Variants in SNTG1 observed in about 807,000 individuals in gnomAD.
SNTG1 encodes the protein syntrophin gamma 1, also known as gamma-1-syntrophin.
SNTG1 carries 39 observed loss-of-function variants against 74.7 expected under a neutral mutation model. That is an observed-to-expected ratio of 0.52 (90% CI 0.40 to 0.68). The LOEUF (loss-of-function observed/expected upper bound fraction) is 0.68. Among genes scored for constraint, SNTG1 ranks in the 30% least tolerant of loss-of-function variants. SNTG1 has a pLI of 0.00. For synonymous variants in SNTG1, 254 were observed against 217.1 expected (o/e 1.17, Z -1.49); for missense variants, 685 against 609.5 (o/e 1.12, Z -1.30).
intron 8 of SNTG1, among the ~76,000 whole-genome samples, chr8:50,462,794 CTCTTTTTTTTTTT>C (rs1399962169): frequency 0.021 from 899 of 43,588 alleles, 122 homozygotes; most frequent in African/African-American, 0.048. Flanking sequence ...TCAGGTTCTA[CTCTTTTTTTTTTT>C]TTTTTTTTTT....
At chr8:50,204,547 AATTT>A (rs1184630144) in intron 2 of SNTG1, among the ~76,000 whole-genome samples, 2 of 152,120 alleles carry the variant, frequency 1.3e-5, no homozygotes, top group Non-Finnish European at 2.9e-5. Flanking sequence ...TTTGAAAATA[AATTT>A]ATTTAATCTT....
At chr8:50,204,414 G>A (rs914825788) in intron 2 of SNTG1, among the ~76,000 whole-genome samples, 7 of 151,982 alleles carry the variant, frequency 4.6e-5, no homozygotes, top group Admixed American at 2.6e-4. Context: ...CCTTGCCAAT[G>A]TGTCTGTACC....
intron 17 of SNTG1, among the ~76,000 whole-genome samples, chr8:50,723,794 A>G (rs569410513): frequency 3.2e-3 from 494 of 152,244 alleles, no homozygotes; most frequent in Middle Eastern, 6.8e-3. Context: ...TATGGAAAAA[A>G]AAAAGGAGAA....
At chr8:50,219,585 T>A (rs547371475) in intron 2 of SNTG1, among the ~76,000 whole-genome samples, 158 of 152,164 alleles carry the variant, frequency 1.0e-3, no homozygotes, top group Non-Finnish European at 1.8e-3. Flanking sequence ...CAAAGGGGAA[T>A]CAGACATGTG....
chr8:50,314,521 A>T lies in SNTG1; in HGVS notation c.-27-79691A>T, dbSNP rs148514902. On this transcript the variant is annotated intron_variant, in intron 2 of 18. Coordinates refer to ENST00000642720, the MANE Select transcript of SNTG1 (RefSeq NM_018967.5). Reference sequence around the variant, plus strand: ...TGACGGAGATGATTTTCAGTGAAAGACTTTGAGAGCCTTATTAGGCACACC... The same window carrying T: ...TGACGGAGATGATTTTCAGTGAAAGTCTTTGAGAGCCTTATTAGGCACACC... Among the ~76,000 whole-genome samples the T allele has an allele frequency of 4.0e-5, 6 of 149,848 alleles. No homozygotes were observed. The East Asian group carries it at 1.2e-3, about 30-fold the overall frequency.
intron 4 of SNTG1, among the ~76,000 whole-genome samples, chr8:50,425,816 C>A (rs2093156677): frequency 6.6e-6 from 1 of 152,078 alleles, no homozygotes; most frequent in African/African-American, 2.4e-5. Flanking sequence ...ACGTTTGAAT[C>A]AAGGAAAACA....
chr8:50,175,074 G>T (rs535150850), intron 2 of SNTG1, among the ~76,000 whole-genome samples: 1 of 152,044 alleles, frequency 6.6e-6, no homozygotes, highest in East Asian at 1.9e-4. Flanking sequence ...AGTATTCCAT[G>T]GTGTATATTT....
At chr8:50,518,080 A>G (rs1238890619) in intron 9 of SNTG1, among the ~76,000 whole-genome samples, 1 of 152,218 alleles carries the variant, frequency 6.6e-6, no homozygotes, top group Admixed American at 6.5e-5. Context: ...TGCAAATACA[A>G]GAGAATGAGA....
chr8:50,278,953 A>T (rs2088276862), intron 2 of SNTG1, among the ~76,000 whole-genome samples: 1 of 152,138 alleles, frequency 6.6e-6, no homozygotes, highest in African/African-American at 2.4e-5. Context: ...GATCATTTTG[A>T]TATTGTCATT....
chr8:49,945,164 A>G (rs1809061480), intron 1 of SNTG1, among the ~76,000 whole-genome samples: 1 of 152,164 alleles, frequency 6.6e-6, no homozygotes, highest in South Asian at 2.1e-4. Flanking sequence ...CCTACTTAAG[A>G]TACCTGGTCA....
chr8:49,932,279 A>C (rs1294676508), intron 1 of SNTG1, among the ~76,000 whole-genome samples: 1 of 152,160 alleles, frequency 6.6e-6, no homozygotes, highest in Non-Finnish European at 1.5e-5. Context: ...TAACATTTTA[A>C]AGAAAATTAA....
intron 17 of SNTG1, chr8:50,709,209 A>C: frequency 3.8e-6 from 2 of 529,678 alleles, no homozygotes; most frequent in Non-Finnish European, 6.7e-6. Flanking sequence ...ATTTATTTAT[A>C]AGTCTATCTA....
At chr8:50,690,431 G>GT (rs936041208) in intron 15 of SNTG1, among the ~76,000 whole-genome samples, 264 of 152,254 alleles carry the variant, frequency 1.7e-3, no homozygotes, top group African/African-American at 6.2e-3. Context: ...GTGTCCCAGA[G>GT]TTTCTGGTAT....
At chr8:50,673,882 A>G (rs1023940741) in intron 15 of SNTG1, among the ~76,000 whole-genome samples, 1 of 152,176 alleles carries the variant, frequency 6.6e-6, no homozygotes, top group Admixed American at 6.6e-5. Flanking sequence ...AGTTTTTAAC[A>G]TGAAGTGATG....
intron 13 of SNTG1, among the ~76,000 whole-genome samples, chr8:50,614,769 T>C (rs2131006650): frequency 6.6e-6 from 1 of 152,292 alleles, no homozygotes; most frequent in Admixed American, 6.5e-5. Flanking sequence ...TTGGATTTCT[T>C]ACATTCCATA....
chr8:50,484,644 G>T (rs77690439), intron 8 of SNTG1, among the ~76,000 whole-genome samples: 6,233 of 151,760 alleles, frequency 0.041, 133 homozygotes, highest in Middle Eastern at 0.12. Context: ...TGGATCATGT[G>T]AGGTTGGGAG....
At chr8:50,332,390 C>T (rs1051375961) in intron 2 of SNTG1, among the ~76,000 whole-genome samples, 1 of 151,830 alleles carries the variant, frequency 6.6e-6, no homozygotes, top group Non-Finnish European at 1.5e-5. Context: ...CCATGGCCCC[C>T]ACCAGGCAAG....
At chr8:50,406,184 ATCTT>A (rs1475938545) in intron 4 of SNTG1, among the ~76,000 whole-genome samples, 1 of 152,110 alleles carries the variant, frequency 6.6e-6, no homozygotes, top group African/African-American at 2.4e-5. Flanking sequence ...TGAACATAAC[ATCTT>A]TCCATTTATT....
At chr8:50,261,018 T>A (rs1269254498) in intron 2 of SNTG1, among the ~76,000 whole-genome samples, 1 of 152,176 alleles carries the variant, frequency 6.6e-6, no homozygotes. Context: ...TTTACAAGAT[T>A]AATTTCACAG....
Sources: allele counts gnomAD v4.1 joint callset (sites outside exome capture counted in the v4.1 genomes callset), GRCh38; gene constraint gnomAD v4.1.1; transcripts MANE v1.5; gene names NCBI Gene and HGNC (gene_info 2026-07-23, HGNC 2026-07-21).